Variants in TP63 observed in about 807,000 individuals in gnomAD.
TP63 encodes tumor protein p63.
Under a neutral mutation model 82.8 loss-of-function variants are expected in TP63, and 17 were observed. The observed-to-expected ratio is 0.21, with a 90% CI of 0.14 to 0.31. The LOEUF (loss-of-function observed/expected upper bound fraction) is 0.31, where lower values mean the gene tolerates loss of function less well. Among genes scored for constraint, TP63 ranks in the 10% least tolerant of loss-of-function variants. TP63 has a pLI of 1.00. For synonymous variants in TP63, 330 were observed against 321.7 expected (o/e 1.03, Z -0.28); for missense variants, 648 against 895.3 (o/e 0.72, Z 3.52).
intron 4 of TP63, among the ~76,000 whole-genome samples, chr3:189,815,361 A>G (rs12486772): frequency 0.26 from 39,037 of 151,960 alleles, 5,445 homozygotes; most frequent in East Asian, 0.39. Context: ...ATGTCATTGG[A>G]GTCAGGGAGG....
upstream of TP63, among the ~76,000 whole-genome samples, chr3:189,627,511 C>T (rs1282472373): frequency 1.3e-5 from 2 of 152,110 alleles, no homozygotes; most frequent in Non-Finnish European, 2.9e-5. Flanking sequence ...CCAGTAGCCT[C>T]ACATGGCTAT....
intron 1 of TP63, among the ~76,000 whole-genome samples, chr3:189,632,841 C>G (rs1729546902): frequency 6.6e-6 from 1 of 151,998 alleles, no homozygotes; most frequent in Non-Finnish European, 1.5e-5. Context: ...AGAAAAACAC[C>G]AAAGATTTTC....
upstream of TP63, among the ~76,000 whole-genome samples, chr3:189,626,510 A>G (rs1181411651): frequency 6.6e-6 from 1 of 152,202 alleles, no homozygotes; most frequent in Admixed American, 6.5e-5. Context: ...CCAGAGCTCT[A>G]CGGAACATGC....
chr3:189,888,986 G>A (rs959518006), intron 11 of TP63, among the ~76,000 whole-genome samples: 10 of 152,206 alleles, frequency 6.6e-5, no homozygotes, highest in Non-Finnish European at 1.5e-4. Flanking sequence ...TAATCTCTGT[G>A]CTTGCACAGG....
At chr3:189,655,155 T>C (rs772739459) in intron 1 of TP63, among the ~76,000 whole-genome samples, 1 of 152,222 alleles carries the variant, frequency 6.6e-6, no homozygotes, top group Non-Finnish European at 1.5e-5. Flanking sequence ...AAATGAAAAT[T>C]GAGATCTCTG....
chr3:189,742,889 A>C (rs547157160), intron 3 of TP63, among the ~76,000 whole-genome samples: 1 of 152,210 alleles, frequency 6.6e-6, no homozygotes, highest in Non-Finnish European at 1.5e-5. Flanking sequence ...ATTGCAGAGA[A>C]GGTAATTTTT....
chr3:189,824,010 T>C (rs567240104), intron 4 of TP63, among the ~76,000 whole-genome samples: 1 of 152,192 alleles, frequency 6.6e-6, no homozygotes, highest in African/African-American at 2.4e-5. Context: ...CACCTAGCAA[T>C]AAATGCCAAA....
At chr3:189,882,253 G>A (rs527993694) in intron 10 of TP63, among the ~76,000 whole-genome samples, 1 of 152,048 alleles carries the variant, frequency 6.6e-6, no homozygotes, top group African/African-American at 2.4e-5. Context: ...TTTTAAGTAA[G>A]TTTTTAATGT....
intron 3 of TP63, among the ~76,000 whole-genome samples, chr3:189,772,756 G>C (rs1279872397): frequency 6.6e-6 from 1 of 152,152 alleles, no homozygotes; most frequent in Non-Finnish European, 1.5e-5. Context: ...AGTCTTGCAC[G>C]AGTCTGCTGC....
At chr3:189,872,433 A>G (rs919088869) in intron 9 of TP63, among the ~76,000 whole-genome samples, 16 of 148,854 alleles carry the variant, frequency 1.1e-4, no homozygotes, top group Non-Finnish European at 2.2e-4. Flanking sequence ...ACACACACAC[A>G]TATTTTCTCC....
chr3:189,703,671 C>A (rs1717989363), intron 1 of TP63, among the ~76,000 whole-genome samples: 1 of 152,098 alleles, frequency 6.6e-6, no homozygotes, highest in African/African-American at 2.4e-5. Context: ...CAGAGAAAAG[C>A]CAGAAAGTGC....
intron 1 of TP63, among the ~76,000 whole-genome samples, chr3:189,727,874 T>C (rs1385957097): frequency 6.6e-6 from 1 of 152,238 alleles, no homozygotes; most frequent in Non-Finnish European, 1.5e-5. Context: ...GTTTGCATGC[T>C]ATAATGCTAA....
rs748076132 is a variant in TP63, at chr3:189,645,840, CT to C, written c.62+14269del. Among the ~76,000 whole-genome samples the C allele has an allele frequency of 7.0e-4, 103 of 146,972 alleles. 10 individuals carry two copies. The highest frequency in any genetic ancestry group is 1.3e-4 in the Non-Finnish European group (9 of 67,270). Reference sequence around the variant, plus strand: ...TCCCTACAAAGGACATGAACTCATCCTTTTTTATGGCTGCATAGTATTCCAT... The same window carrying C: ...TCCCTACAAAGGACATGAACTCATCCTTTTTATGGCTGCATAGTATTCCAT... On this transcript the variant is annotated intron_variant, in intron 1 of 13. Coordinates refer to ENST00000264731, the MANE Select transcript of TP63 (RefSeq NM_003722.5).
At chr3:189,841,618 A>G (rs1233025917) in intron 4 of TP63, among the ~76,000 whole-genome samples, 1 of 152,232 alleles carries the variant, frequency 6.6e-6, no homozygotes, top group Non-Finnish European at 1.5e-5. Context: ...GTGTGGTATT[A>G]TATCGCCAAG....
intron 1 of TP63, among the ~76,000 whole-genome samples, chr3:189,683,050 A>G (rs959306018): frequency 6.6e-6 from 1 of 152,202 alleles, no homozygotes; most frequent in Non-Finnish European, 1.5e-5. Context: ...CAGATGAGGA[A>G]ACTCAGGATT....
At chr3:189,868,552 C>T (rs1486457861) in intron 7 of TP63, 28 bp from the exon 8 acceptor site, 1 of 1,613,352 alleles carries the variant, frequency 6.2e-7, no homozygotes, top group South Asian at 1.1e-5. Context: ...GAATTTAACT[C>T]TTTCTTCCCC....
intron 3 of TP63, among the ~76,000 whole-genome samples, chr3:189,749,479 A>C (rs769790468): frequency 2.6e-5 from 4 of 152,206 alleles, no homozygotes; most frequent in African/African-American, 4.8e-5. Context: ...GCAAATCAAA[A>C]CCAAAATGAG....
the TP63 span, among the ~76,000 whole-genome samples, chr3:189,604,172 C>T: frequency 3.3e-5 from 5 of 152,166 alleles, no homozygotes; most frequent in African/African-American, 1.2e-4. Context: ...GTGTCCATTC[C>T]ATACTCCCAC....
chr3:189,772,400 C>G (rs1331353200), intron 3 of TP63, among the ~76,000 whole-genome samples: 1 of 152,216 alleles, frequency 6.6e-6, no homozygotes, highest in Non-Finnish European at 1.5e-5. Context: ...TTCCACTATA[C>G]TATGATGCTT....
Sources: gnomAD v4.1 joint callset for allele counts (sites outside exome capture counted in the v4.1 genomes callset) on GRCh38, gnomAD v4.1.1 for gene constraint, MANE v1.5 for transcripts, NCBI Gene and HGNC (gene_info 2026-07-23, HGNC 2026-07-21) for gene names.